Variants in ERI1 observed in about 807,000 individuals in gnomAD.
The protein encoded by ERI1 is 3'-5' exoribonuclease 1.
In ERI1, 39 loss-of-function variants were observed where a neutral mutation model predicts 39.7. The observed-to-expected ratio is 0.98, with a 90% confidence interval of 0.76 to 1.28. ERI1 has a LOEUF of 1.28. ERI1 is among the 50% of genes most tolerant of loss of function. The pLI is 0.00. For synonymous variants in ERI1, 204 were observed against 149.6 expected (o/e 1.36, Z -2.65); for missense variants, 581 against 416.9 (o/e 1.39, Z -3.43).
chr8:9,079,280 G>T (rs576588395), intron 3 of ERI1, among the ~76,000 whole-genome samples: 3 of 152,208 alleles, frequency 2.0e-5, no homozygotes, highest in African/African-American at 7.2e-5. Flanking sequence ...CTGAAGGCAA[G>T]GGTAAGCCCT....
At chr8:9,084,398 C>T (rs972946084) in intron 3 of ERI1, among the ~76,000 whole-genome samples, 1 of 152,102 alleles carries the variant, frequency 6.6e-6, no homozygotes, top group East Asian at 1.9e-4. Context: ...TTTCTTTGCC[C>T]GTAGTGGAAT....
chr8:9,057,131 CTGTTTTTT>C (rs562170024), intron 3 of ERI1, among the ~76,000 whole-genome samples: 128 of 151,990 alleles, frequency 8.4e-4, no homozygotes, highest in African/African-American at 2.8e-3. Flanking sequence ...CCACACCGGC[CTGTTTTTT>C]TGTTTTTTTG....
chr8:9,100,006 C>T lies in ERI1; in HGVS notation n.300-16342C>T, dbSNP rs1415720626. The T allele has an allele frequency of 3.9e-5, 6 of 152,350 alleles. No homozygotes were observed. In the South Asian group the frequency reaches 1.0e-3, roughly 26 times the overall value. The allele number at this position is 152,350 out of a possible 1,614,324, so 9.4% of individuals were successfully genotyped here. A position where few individuals can be genotyped will look rare whatever the true frequency, so the allele number is the denominator to read the frequency against. On this transcript the variant is annotated intron_variant and non_coding_transcript_variant, in intron 3 of 3. Transcript: ENST00000518663. Reference sequence around the variant, plus strand: ...GATGAAAAATTGTAGCTAACATTTACTGCACATTTACTACAAGCCAAGCAT... The same window carrying T: ...GATGAAAAATTGTAGCTAACATTTATTGCACATTTACTACAAGCCAAGCAT...
At chr8:9,097,970 G>A (rs1454647787) in intron 3 of ERI1, among the ~76,000 whole-genome samples, 1 of 152,204 alleles carries the variant, frequency 6.6e-6, no homozygotes, top group Non-Finnish European at 1.5e-5. Flanking sequence ...GGCATTTGCA[G>A]CAACCTGAGT....
chr8:9,028,922 C>T (rs1478945704), intron 6 of ERI1, among the ~76,000 whole-genome samples: 1 of 151,366 alleles, frequency 6.6e-6, no homozygotes, highest in Non-Finnish European at 1.5e-5. Flanking sequence ...CCACACCCAG[C>T]CAATAATTCT....
At chr8:9,028,652 C>T (rs1242494580) in intron 6 of ERI1, among the ~76,000 whole-genome samples, 1 of 152,050 alleles carries the variant, frequency 6.6e-6, no homozygotes, top group Non-Finnish European at 1.5e-5. Context: ...GAGATGGAAC[C>T]TCACTCTGAC....
chr8:9,081,656 T>G (rs1799371185), intron 3 of ERI1, among the ~76,000 whole-genome samples: 2 of 151,256 alleles, frequency 1.3e-5, no homozygotes, highest in African/African-American at 4.9e-5. Context: ...ACAACTCCCA[T>G]TTCTTCCTTT....
At position 9,003,020 on chromosome 8, in the gene ERI1, C is replaced by A; in HGVS notation, c.-44C>A. 1 of 1,158,016 alleles carries A rather than the reference C, an allele frequency of 8.6e-7. No homozygotes were observed. Among genetic ancestry groups the A allele is most frequent in the Non-Finnish European group, 1.1e-6 (1 of 908,250 alleles). 71.7% of individuals were successfully genotyped at this position (1,158,016 alleles called of 1,614,324 possible). A position where few individuals can be genotyped will look rare whatever the true frequency, so the allele number is the denominator to read the frequency against. Reference sequence around the variant, plus strand: ...TCGGGCTCTGCAGAGTGAGAGTTAGCAAGTGTCCGGCTCCAGCAACTCTCC... The same window carrying A: ...TCGGGCTCTGCAGAGTGAGAGTTAGAAAGTGTCCGGCTCCAGCAACTCTCC... On this transcript the variant is annotated 5_prime_UTR_variant, in exon 1 of 7. Transcript: ENST00000250263.
At chr8:9,024,869 TTAAGA>T (rs1286676440) in intron 6 of ERI1, among the ~76,000 whole-genome samples, 1 of 152,216 alleles carries the variant, frequency 6.6e-6, no homozygotes, top group Non-Finnish European at 1.5e-5. Context: ...TAGATTGAAT[TTAAGA>T]TAAGCTCACA....
intron 3 of ERI1, among the ~76,000 whole-genome samples, chr8:9,057,658 G>A (rs186575152): frequency 6.6e-6 from 1 of 152,130 alleles, no homozygotes; most frequent in East Asian, 1.9e-4. Flanking sequence ...ATTCTAGTGA[G>A]GAGAGGAAGA....
chr8:9,011,572 G>A lies in ERI1; in HGVS notation c.318G>A (p.Leu106=). ...RGVKDVLKKR[L]KNYYKKQKLM... is the part of the protein sequence containing the mutation. ...TAAAGGATGTTCTAAAGAAGAGACT[G>A]AAAAACTATTATAAGAAGCAGAAGC... The change falls in exon 3 of 7, where the codon CTG becomes CTA. Residue 106 remains leucine, a synonymous_variant. Transcript: ENST00000250263. 6.2e-7 allele frequency: 1 copy of A among 1,611,714 alleles called. No homozygotes were observed. Among genetic ancestry groups the A allele is most frequent in the Non-Finnish European group, 8.5e-7 (1 of 1,178,890 alleles).
intron 6 of ERI1, among the ~76,000 whole-genome samples, chr8:9,027,659 G>A (rs750184174): frequency 6.6e-6 from 1 of 152,076 alleles, no homozygotes; most frequent in African/African-American, 2.4e-5. Context: ...TTGTTATATG[G>A]TGTAAGGTAA....
At chr8:9,098,490 C>T (rs1418075600) in intron 3 of ERI1, among the ~76,000 whole-genome samples, 1 of 152,174 alleles carries the variant, frequency 6.6e-6, no homozygotes, top group Non-Finnish European at 1.5e-5. Context: ...TGCACTCCAG[C>T]CTGGGTGACA....
chr8:9,083,383 A>T (rs1049910266), intron 3 of ERI1, among the ~76,000 whole-genome samples: 5 of 152,218 alleles, frequency 3.3e-5, no homozygotes, highest in African/African-American at 1.2e-4. Flanking sequence ...AAAGCATACC[A>T]TCTAGGGGTC....
intron 3 of ERI1, among the ~76,000 whole-genome samples, chr8:9,013,923 A>G (rs528165076): frequency 1.2e-4 from 18 of 152,158 alleles, no homozygotes; most frequent in Admixed American, 6.5e-4. Flanking sequence ...CTGATCCTCT[A>G]TCATTTATGT....
intron 1 of ERI1, among the ~76,000 whole-genome samples, chr8:9,004,485 CTTT>C (rs71201904): frequency 0.02 from 1,527 of 78,280 alleles, 31 homozygotes; most frequent in Middle Eastern, 0.069. Flanking sequence ...TATAGTGATA[CTTT>C]TTTTTTTTTT....
chr8:9,031,597 C>T lies in ERI1; in HGVS notation c.*1563C>T, dbSNP rs571165961. 2.6e-5 allele frequency: 4 copies of T among 152,282 alleles called. No individual in the cohort carries two copies. In the East Asian group the frequency reaches 7.7e-4, roughly 29 times the overall value. The allele number at this position is 152,282 out of a possible 1,614,324, so 9.4% of individuals were successfully genotyped here. A position where few individuals can be genotyped will look rare whatever the true frequency, so the allele number is the denominator to read the frequency against. On this transcript the variant is annotated 3_prime_UTR_variant, in exon 7 of 7. Coordinates refer to ENST00000250263, the MANE Select transcript of ERI1 (RefSeq NM_153332.4). ...ACTGAATACTGAATAGCTGAAACTG[C>T]AATTGGAAAATCTGATGATGACGAG...
chr8:9,093,412 T>A (rs1171910814), intron 3 of ERI1, among the ~76,000 whole-genome samples: 2 of 151,494 alleles, frequency 1.3e-5, no homozygotes, highest in African/African-American at 4.9e-5. Context: ...AATATGTGAA[T>A]TTTGGGGGCA....
chr8:9,067,963 C>A (rs1798934960), intron 3 of ERI1, among the ~76,000 whole-genome samples: 1 of 151,986 alleles, frequency 6.6e-6, no homozygotes, highest in Non-Finnish European at 1.5e-5. Context: ...TATACACACA[C>A]AAATATTATA....
Sources: gnomAD v4.1 joint callset for allele counts (sites outside exome capture counted in the v4.1 genomes callset) on GRCh38, gnomAD v4.1.1 for gene constraint, MANE v1.5 for transcripts, NCBI Gene and HGNC (gene_info 2026-07-23, HGNC 2026-07-21) for gene names.